JAKMIP3: variants seen among roughly 807,000 people sequenced by gnomAD.
JAKMIP3 encodes the protein janus kinase and microtubule-interacting protein 3.
A neutral mutation model predicts 118.5 loss-of-function variants in JAKMIP3; 58 were observed. That is an observed-to-expected ratio of 0.49 (90% CI 0.40 to 0.61). The LOEUF (loss-of-function observed/expected upper bound fraction) is 0.61. Ranked by LOEUF, JAKMIP3 falls within the 20% of genes least tolerant of loss-of-function variation. The pLI, the probability that JAKMIP3 is intolerant of heterozygous loss-of-function variation, is 0.00. For missense variants in JAKMIP3, 950 were observed against 1,109.0 expected, an observed-to-expected ratio of 0.86 and a Z score of 2.04; for synonymous variants, 486 against 451.2, an observed-to-expected ratio of 1.08 and a Z score of -0.98.
intron 15 of JAKMIP3, 49 bp downstream of exon 15, chr10:132,149,559 C>A: frequency 1.2e-6 from 1 of 815,370 alleles, no homozygotes; most frequent in Non-Finnish European, 1.8e-6. Context: ...ACCCATCCCC[C>A]GCCCCACCCC....
chr10:132,139,351 AGT>A (rs2052833469), intron 9 of JAKMIP3, among the ~76,000 whole-genome samples: 2 of 133,410 alleles, frequency 1.5e-5, no homozygotes, highest in East Asian at 2.2e-4. Flanking sequence ...TGTACATGTG[AGT>A]GTATATGCGT....
chr10:132,102,288 C>T (rs1221376098), intron 1 of JAKMIP3, among the ~76,000 whole-genome samples: 1 of 152,062 alleles, frequency 6.6e-6, no homozygotes, highest in Non-Finnish European at 1.5e-5. Context: ...CCGGCGAGCA[C>T]CCTCTCCTTT....
intron 19 of JAKMIP3, among the ~76,000 whole-genome samples, chr10:132,154,210 GCCTAAA>G (rs1564973188): frequency 2.0e-5 from 3 of 152,212 alleles, no homozygotes; most frequent in Non-Finnish European, 4.4e-5. Context: ...AGTTGAGGAG[GCCTAAA>G]CCCACACTGT....
intron 23 of JAKMIP3, among the ~76,000 whole-genome samples, chr10:132,180,634 CGTGCGTGTGTGCGT>C (rs2060922261): frequency 7.8e-5 from 1 of 12,822 alleles, no homozygotes; most frequent in African/African-American, 4.6e-4. Context: ...TGCGTGTGTG[CGTGCGTGTGTGCGT>C]GTGCGTGTGC....
chr10:132,050,978 G>A (rs933502375), intron 1 of JAKMIP3, among the ~76,000 whole-genome samples: 4 of 149,380 alleles, frequency 2.7e-5, no homozygotes, highest in Non-Finnish European at 5.9e-5. Flanking sequence ...TGTTGGTCTT[G>A]TTAATTCCAG....
At chr10:132,038,236 CTGGTGGT>C (rs1220031523) in intron 1 of JAKMIP3, among the ~76,000 whole-genome samples, 14 of 152,128 alleles carry the variant, frequency 9.2e-5, no homozygotes, top group Non-Finnish European at 2.1e-4. Context: ...ATGAAGAGGA[CTGGTGGT>C]GGGTTCCGTT....
intron 2 of JAKMIP3, among the ~76,000 whole-genome samples, chr10:132,105,871 G>C (rs1325759739): frequency 7.6e-6 from 1 of 132,390 alleles, no homozygotes; most frequent in Admixed American, 7.2e-5. Flanking sequence ...CCCATCAAAG[G>C]CATCTCTCTT....
At chr10:132,146,410 T>A (rs1589944752) in intron 13 of JAKMIP3, among the ~76,000 whole-genome samples, 1 of 151,736 alleles carries the variant, frequency 6.6e-6, no homozygotes, top group South Asian at 2.1e-4. Context: ...CCAAGAGGGG[T>A]GCACCTCACA....
chr10:132,158,066 G>GCCCACCGC (rs2057305839), intron 19 of JAKMIP3, among the ~76,000 whole-genome samples: 1 of 134,292 alleles, frequency 7.4e-6, no homozygotes, highest in Non-Finnish European at 1.5e-5. Context: ...CAGGATGGCT[G>GCCCACCGC]CCCACCGCCC....
chr10:132,180,560 T>TGTGCGCGC (rs2060752646), intron 23 of JAKMIP3, among the ~76,000 whole-genome samples: 1 of 51,808 alleles, frequency 1.9e-5, no homozygotes, highest in African/African-American at 1.2e-4. Flanking sequence ...CGTGCATGCG[T>TGTGCGCGC]GTGTGTGCGT....
At chr10:132,056,049 C>G (rs1189720767) in intron 1 of JAKMIP3, among the ~76,000 whole-genome samples, 1 of 152,200 alleles carries the variant, frequency 6.6e-6, no homozygotes. Context: ...CGCCCTTGCC[C>G]ATCCATTTCC....
intron 1 of JAKMIP3, among the ~76,000 whole-genome samples, chr10:132,072,844 T>C (rs1438656937): frequency 1.3e-5 from 2 of 152,180 alleles, no homozygotes; most frequent in Non-Finnish European, 2.9e-5. Flanking sequence ...GGGCTATCAG[T>C]GTCCCCATTA....
Position 132,167,036 on chromosome 10 carries a change from C to T in JAKMIP3, c.*3C>T, listed in dbSNP as rs945648406. The T allele has an allele frequency of 7.4e-5, 114 of 1,549,280 alleles. 2 individuals carry two copies. The Admixed American group carries it at 1.5e-3, about 21-fold the overall frequency. ...TAGCTTTCATTCTCTGGTCATAGTC[C>T]GTCTTGGCACCCTGACGTGGTGAGT... On this transcript the variant is annotated 3_prime_UTR_variant, in exon 22 of 24. Coordinates refer to ENST00000684848, the MANE Select transcript of JAKMIP3 (RefSeq NM_001323087.2).
At chr10:132,085,876 C>G (rs534365252) in intron 1 of JAKMIP3, among the ~76,000 whole-genome samples, 1 of 152,194 alleles carries the variant, frequency 6.6e-6, no homozygotes, top group Admixed American at 6.5e-5. Flanking sequence ...TCATTTAGTT[C>G]TGCACTGATC....
At chr10:132,089,224 GT>G (rs1283485453) in intron 1 of JAKMIP3, among the ~76,000 whole-genome samples, 1 of 152,138 alleles carries the variant, frequency 6.6e-6, no homozygotes, top group Non-Finnish European at 1.5e-5. Flanking sequence ...CTCTAAAGTA[GT>G]TTTTTCCAAT....
intron 1 of JAKMIP3, among the ~76,000 whole-genome samples, chr10:132,080,608 G>A (rs1403492413): frequency 7.3e-6 from 1 of 136,168 alleles, no homozygotes; most frequent in Non-Finnish European, 1.5e-5. Flanking sequence ...TGCAACCTCT[G>A]CTTCCCAGGT....
intron 1 of JAKMIP3, among the ~76,000 whole-genome samples, chr10:132,093,184 G>A (rs1467418746): frequency 6.6e-6 from 1 of 152,202 alleles, no homozygotes; most frequent in African/African-American, 2.4e-5. Context: ...CCCTTACTGG[G>A]GGGTGCCTCC....
chr10:132,167,837 CCCTCGCCCCTCGCCCCTCACCCCTCGG>C (rs2059087272), intron 22 of JAKMIP3, 89 bp from the exon 23 acceptor site: 2 of 598,176 alleles, frequency 3.3e-6, no homozygotes, highest in Middle Eastern at 4.4e-4. Flanking sequence ...CACCCCTCGG[CCCTCGCCCCTCGCCCCTCACCCCTCGG>C]CCCTCGCCCC....
At chr10:132,085,746 A>T (rs1271541291) in intron 1 of JAKMIP3, among the ~76,000 whole-genome samples, 8 of 151,766 alleles carry the variant, frequency 5.3e-5, no homozygotes, top group Non-Finnish European at 1.2e-4. Flanking sequence ...TGATCCACCC[A>T]CCTCGGCCTC....
Sources: gnomAD v4.1 joint callset for allele counts (sites outside exome capture counted in the v4.1 genomes callset) on GRCh38, gnomAD v4.1.1 for gene constraint, MANE v1.5 for transcripts, NCBI Gene and HGNC (gene_info 2026-07-23, HGNC 2026-07-21) for gene names.